DSCAML1: variants seen among roughly 807,000 people sequenced by gnomAD.
The protein encoded by DSCAML1 is cell adhesion molecule DSCAML1.
In DSCAML1, 38 loss-of-function variants were observed where a neutral mutation model predicts 200.5. That is an observed-to-expected ratio of 0.19 (90% CI 0.15 to 0.25). The LOEUF (loss-of-function observed/expected upper bound fraction) is 0.25. DSCAML1 is among the 10% of genes least tolerant of loss of function. DSCAML1 has a pLI of 1.00. For missense variants in DSCAML1, 2,223 were observed against 2,858.8 expected (o/e 0.78, Z 5.07); for synonymous variants, 1,215 against 1,165.0 (o/e 1.04, Z -0.87).
chr11:117,440,068 G>C, intron 21 of DSCAML1, 132 bp from the exon 22 acceptor site: 1 of 715,566 alleles, frequency 1.4e-6, no homozygotes, highest in Non-Finnish European at 2.4e-6. Flanking sequence ...TGGGCTTTTG[G>C]TGAGGGGTAG....
chr11:117,567,766 G>A (rs1391795169), intron 3 of DSCAML1, among the ~76,000 whole-genome samples: 1 of 152,084 alleles, frequency 6.6e-6, no homozygotes, highest in Non-Finnish European at 1.5e-5. Context: ...AGGACCAGAT[G>A]GATTCACAGC....
chr11:117,784,454 G>A (rs748081496), intron 1 of DSCAML1, among the ~76,000 whole-genome samples: 4 of 152,174 alleles, frequency 2.6e-5, no homozygotes, highest in Non-Finnish European at 5.9e-5. Flanking sequence ...TATGTGCCAC[G>A]CTGAAGACTG....
At chr11:117,684,435 T>TAAAAAAAA (rs149958154) in intron 3 of DSCAML1, among the ~76,000 whole-genome samples, 3,167 of 70,218 alleles carry the variant, frequency 0.045, 8 homozygotes, top group Non-Finnish European at 0.069. Context: ...TTTCATTAAC[T>TAAAAAAAA]AAAAAAAAAA....
chr11:117,645,170 A>G (rs78943345), intron 3 of DSCAML1, among the ~76,000 whole-genome samples: 1 of 152,202 alleles, frequency 6.6e-6, no homozygotes, highest in Non-Finnish European at 1.5e-5. Context: ...CCAGGCAAGG[A>G]TATCTGTAGA....
intron 22 of DSCAML1, 90 bp downstream of exon 22, chr11:117,439,729 G>C: frequency 7.9e-7 from 1 of 1,272,046 alleles, no homozygotes; most frequent in African/African-American, 1.5e-5. Context: ...CGGGTCACCA[G>C]GCAGGAGGGC....
At chr11:117,433,402 G>T in intron 28 of DSCAML1, 39 bp downstream of exon 28, 1 of 1,612,154 alleles carries the variant, frequency 6.2e-7, no homozygotes, top group African/African-American at 1.3e-5. Flanking sequence ...GGACAGAGGG[G>T]AGAAGGGAGG....
At chr11:117,697,918 C>T (rs1182671667) in intron 3 of DSCAML1, among the ~76,000 whole-genome samples, 5 of 152,042 alleles carry the variant, frequency 3.3e-5, no homozygotes, top group African/African-American at 7.2e-5. Context: ...ACTACAGGTG[C>T]ACGCCACCAC....
At chr11:117,551,086 C>G (rs144385407) in intron 3 of DSCAML1, among the ~76,000 whole-genome samples, 12 of 152,174 alleles carry the variant, frequency 7.9e-5, no homozygotes, top group South Asian at 2.1e-4. Context: ...TCACCCTACA[C>G]GTTGCGTTAT....
intron 3 of DSCAML1, among the ~76,000 whole-genome samples, chr11:117,775,862 C>A (rs186689942): frequency 2.6e-5 from 4 of 152,252 alleles, no homozygotes; most frequent in African/African-American, 9.6e-5. Context: ...AATCATCAAC[C>A]TTGAGGAACA....
chr11:117,592,305 G>A lies in DSCAML1; in HGVS notation c.512-59783C>T, dbSNP rs546437102. On this transcript the variant is annotated intron_variant, in intron 3 of 32. Coordinates refer to ENST00000651296, the MANE Select transcript of DSCAML1 (RefSeq NM_020693.4). ...TCGGCAAGGACTGCCTAGGAGCTTGGATGGAGCCATTGCAGTGTCGCCAGT... is the reference window on the plus strand; with the variant it reads ...TCGGCAAGGACTGCCTAGGAGCTTGAATGGAGCCATTGCAGTGTCGCCAGT... Among the ~76,000 whole-genome samples the A allele has an allele frequency of 1.1e-3, 175 of 152,268 alleles. 2 individuals are homozygous for A. The highest frequency in any genetic ancestry group is 3.9e-3 in the African/African-American group (164 of 41,544).
intron 3 of DSCAML1, among the ~76,000 whole-genome samples, chr11:117,549,620 C>T (rs1366108214): frequency 1.3e-5 from 2 of 152,200 alleles, no homozygotes; most frequent in African/African-American, 4.8e-5. Context: ...ACAGTGATTG[C>T]GTGATAAACG....
chr11:117,606,511 G>A (rs1591315650), intron 3 of DSCAML1, among the ~76,000 whole-genome samples: 1 of 152,184 alleles, frequency 6.6e-6, no homozygotes, highest in African/African-American at 2.4e-5. Flanking sequence ...AATGCACTCT[G>A]TTTTTCATAC....
intron 3 of DSCAML1, among the ~76,000 whole-genome samples, chr11:117,554,271 CT>C (rs2050518813): frequency 6.6e-6 from 1 of 152,130 alleles, no homozygotes; most frequent in Non-Finnish European, 1.5e-5. Flanking sequence ...GAACTGGACA[CT>C]TAAAATGGTT....
chr11:117,435,518 C>G, intron 27 of DSCAML1, 126 bp downstream of exon 27: 6 of 1,133,868 alleles, frequency 5.3e-6, no homozygotes, highest in Non-Finnish European at 1.2e-6. Context: ...TGAGTGGCTG[C>G]TCCTCCTTCA....
intron 3 of DSCAML1, among the ~76,000 whole-genome samples, chr11:117,769,288 T>A (rs1219663340): frequency 3.3e-4 from 1 of 3,030 alleles, no homozygotes; most frequent in African/African-American, 3.8e-4. Context: ...ATTATATATT[T>A]TATATATTTA....
At chr11:117,702,325 C>T (rs552910418) in intron 3 of DSCAML1, among the ~76,000 whole-genome samples, 241 of 152,226 alleles carry the variant, frequency 1.6e-3, no homozygotes, top group African/African-American at 5.5e-3. Context: ...TCCACTGCCC[C>T]TGGGGGCCCT....
chr11:117,640,339 C>A (rs2052381545), intron 3 of DSCAML1, among the ~76,000 whole-genome samples: 1 of 152,186 alleles, frequency 6.6e-6, no homozygotes, highest in Non-Finnish European at 1.5e-5. Flanking sequence ...ACCCTGACAC[C>A]CTGACCTATG....
At chr11:117,799,245 T>C (rs570429140), upstream of DSCAML1, among the ~76,000 whole-genome samples, 137 of 152,294 alleles carry the variant, frequency 9.0e-4, no homozygotes, top group African/African-American at 2.9e-3. Context: ...ACTAAGCCTA[T>C]TGACCCAGAG....
At chr11:117,663,264 T>A (rs1309529285) in intron 3 of DSCAML1, among the ~76,000 whole-genome samples, 1 of 152,188 alleles carries the variant, frequency 6.6e-6, no homozygotes, top group Non-Finnish European at 1.5e-5. Flanking sequence ...TACCTTGCTG[T>A]CATGGCTCCA....
Sources: allele counts gnomAD v4.1 joint callset (sites outside exome capture counted in the v4.1 genomes callset), GRCh38; gene constraint gnomAD v4.1.1; transcripts MANE v1.5; gene names NCBI Gene and HGNC (gene_info 2026-07-23, HGNC 2026-07-21).